Variants in DNER observed in about 807,000 individuals in gnomAD.
The protein encoded by DNER is delta and Notch-like epidermal growth factor-related receptor.
Under a neutral mutation model 78.2 loss-of-function variants are expected in DNER, and 33 were observed. That is an observed-to-expected ratio of 0.42 (90% CI 0.32 to 0.56). The LOEUF is 0.56. Among genes scored for constraint, DNER ranks in the 20% least tolerant of loss-of-function variants. The pLI is 0.11. For synonymous variants in DNER, 417 were observed against 384.8 expected (o/e 1.08, Z -0.98); for missense variants, 918 against 975.3 (o/e 0.94, Z 0.78).
At chr2:229,607,171 A>G (rs1697955992) in intron 1 of DNER, among the ~76,000 whole-genome samples, 2 of 152,358 alleles carry the variant, frequency 1.3e-5, no homozygotes, top group Non-Finnish European at 2.9e-5. Flanking sequence ...TAAGATGCTT[A>G]AAGTAGATCT....
chr2:229,554,953 AGGGAAGGGAAGGG>A (rs1267178865), intron 4 of DNER, among the ~76,000 whole-genome samples: 26 of 119,966 alleles, frequency 2.2e-4, no homozygotes, highest in African/African-American at 7.6e-4. Context: ...AGGGAAGGGA[AGGGAAGGGAAGGG>A]AAGGGAAGGG....
At chr2:229,664,419 G>C (rs561031272) in intron 1 of DNER, among the ~76,000 whole-genome samples, 4 of 152,266 alleles carry the variant, frequency 2.6e-5, no homozygotes, top group African/African-American at 9.6e-5. Context: ...AAGATTGGAG[G>C]ATTGCTTGAG....
At chr2:229,694,774 G>A (rs544030851) in intron 1 of DNER, among the ~76,000 whole-genome samples, 4 of 152,340 alleles carry the variant, frequency 2.6e-5, no homozygotes, top group African/African-American at 9.6e-5. Context: ...CTCATAGGCA[G>A]AAGGAACTTG....
chr2:229,646,237 C>T (rs1182314408), intron 1 of DNER, among the ~76,000 whole-genome samples: 2 of 152,136 alleles, frequency 1.3e-5, no homozygotes, highest in Non-Finnish European at 2.9e-5. Flanking sequence ...TAAGAAGTGG[C>T]AATGACTAAA....
At position 229,358,140 on chromosome 2, in the gene DNER, A is replaced by G. The variant is rs1160527174; in HGVS notation, c.*400T>C. The G allele has an allele frequency of 1.3e-5, 2 of 158,894 alleles. No homozygotes were observed. The highest frequency in any genetic ancestry group is 2.4e-5 in the African/African-American group (1 of 41,528). 9.8% of individuals were successfully genotyped at this position (158,894 alleles called of 1,614,324 possible). On this transcript the variant is annotated 3_prime_UTR_variant, in exon 13 of 13. Coordinates refer to ENST00000341772, the MANE Select transcript of DNER (RefSeq NM_139072.4). The stretch of plus-strand genomic sequence containing the variant: ...TCTTTTTAAGTAACGGGTATACTCT[A>G]TTATACATCATATGCTACGTTACGT...
intron 1 of DNER, among the ~76,000 whole-genome samples, chr2:229,594,787 T>C (rs1056361558): frequency 1.1e-4 from 16 of 152,112 alleles, no homozygotes; most frequent in Non-Finnish European, 4.4e-5. Context: ...GTAAGGGTTA[T>C]ATTTTTGTAA....
intron 8 of DNER, among the ~76,000 whole-genome samples, chr2:229,429,039 T>C (rs1398883263): frequency 1.3e-5 from 2 of 151,990 alleles, no homozygotes; most frequent in Non-Finnish European, 2.9e-5. Flanking sequence ...CTGCCAGAAA[T>C]GTTGTGGGCC....
intron 1 of DNER, among the ~76,000 whole-genome samples, chr2:229,617,410 A>G (rs1698184882): frequency 6.6e-6 from 1 of 152,232 alleles, no homozygotes; most frequent in Non-Finnish European, 1.5e-5. Context: ...ACAATGAAAT[A>G]TTAATTATAA....
chr2:229,594,935 C>T (rs6728781), intron 1 of DNER, among the ~76,000 whole-genome samples: 13,698 of 123,714 alleles, frequency 0.11, 1,110 homozygotes, highest in African/African-American at 0.24. Context: ...TACCAGGTCT[C>T]GGTATAAAAT....
At chr2:229,558,762 G>C (rs1262997099) in intron 4 of DNER, among the ~76,000 whole-genome samples, 1 of 152,118 alleles carries the variant, frequency 6.6e-6, no homozygotes, top group Non-Finnish European at 1.5e-5. Flanking sequence ...CAAGGTAGGA[G>C]GTAGCATTTA....
intron 5 of DNER, among the ~76,000 whole-genome samples, chr2:229,540,593 C>T (rs542999758): frequency 2.6e-5 from 4 of 152,242 alleles, no homozygotes; most frequent in South Asian, 4.2e-4. Flanking sequence ...GTAACTGGTT[C>T]GAGTCATTGA....
chr2:229,395,830 G>T (rs144332801), intron 10 of DNER, among the ~76,000 whole-genome samples: 2 of 152,128 alleles, frequency 1.3e-5, no homozygotes, highest in African/African-American at 2.4e-5. Context: ...CCGGAGAGGC[G>T]GAGGTTGCAG....
At chr2:229,668,343 T>C (rs1039342328) in intron 1 of DNER, among the ~76,000 whole-genome samples, 3 of 151,024 alleles carry the variant, frequency 2.0e-5, no homozygotes, top group Non-Finnish European at 4.4e-5. Flanking sequence ...ACTGTGTGTA[T>C]CACTTCGCGT....
At chr2:229,461,004 T>G (rs549260560) in intron 7 of DNER, among the ~76,000 whole-genome samples, 6 of 152,182 alleles carry the variant, frequency 3.9e-5, no homozygotes, top group African/African-American at 1.4e-4. Context: ...AACGCATCCC[T>G]GTGTTGGAGT....
chr2:229,373,929 C>G (rs13001246), intron 11 of DNER, among the ~76,000 whole-genome samples: 60,318 of 151,928 alleles, frequency 0.4, 12,950 homozygotes, highest in Middle Eastern at 0.5. Flanking sequence ...GTTTGGGAGA[C>G]CGAAGTGGGT....
intron 10 of DNER, among the ~76,000 whole-genome samples, chr2:229,405,558 G>A (rs1016643621): frequency 6.6e-6 from 1 of 151,788 alleles, no homozygotes; most frequent in Non-Finnish European, 1.5e-5. Flanking sequence ...GGACTATAGG[G>A]CAGCCAGTAA....
At chr2:229,448,048 C>G (rs992536267) in intron 7 of DNER, among the ~76,000 whole-genome samples, 11 of 152,104 alleles carry the variant, frequency 7.2e-5, no homozygotes, top group African/African-American at 2.7e-4. Context: ...CTTTTTCATC[C>G]TTGTCCCTTT....
At chr2:229,571,581 G>T (rs1180464737) in intron 4 of DNER, among the ~76,000 whole-genome samples, 1 of 152,060 alleles carries the variant, frequency 6.6e-6, no homozygotes, top group Non-Finnish European at 1.5e-5. Flanking sequence ...TCCCACCTCT[G>T]CACTCAACTT....
intron 1 of DNER, among the ~76,000 whole-genome samples, chr2:229,630,508 AT>A (rs1698416520): frequency 2.0e-5 from 3 of 148,724 alleles, no homozygotes; most frequent in African/African-American, 7.4e-5. Context: ...AATAATAATA[AT>A]AATAATAATA....
Sources: gnomAD v4.1 joint callset for allele counts (sites outside exome capture counted in the v4.1 genomes callset) on GRCh38, gnomAD v4.1.1 for gene constraint, MANE v1.5 for transcripts, NCBI Gene and HGNC (gene_info 2026-07-23, HGNC 2026-07-21) for gene names.